Variants in MAP3K5 observed in about 807,000 individuals in gnomAD.
MAP3K5 encodes the protein mitogen-activated protein kinase kinase kinase 5, also known as ASK-1.
Under a neutral mutation model 158.7 loss-of-function variants are expected in MAP3K5, and 56 were observed. The ratio of observed to expected loss-of-function variants is 0.35; its 90% CI spans 0.28 to 0.44. The LOEUF (loss-of-function observed/expected upper bound fraction) is 0.44. Among genes scored for constraint, MAP3K5 ranks in the 20% least tolerant of loss-of-function variants. MAP3K5 has a pLI of 1.00. For synonymous variants in MAP3K5, 579 were observed against 601.7 expected (o/e 0.96, Z 0.55); for missense variants, 1,294 against 1,674.8 (o/e 0.77, Z 3.97).
At chr6:136,650,771 CAA>C (rs1468779186) in intron 11 of MAP3K5, among the ~76,000 whole-genome samples, 1 of 152,068 alleles carries the variant, frequency 6.6e-6, no homozygotes, top group Non-Finnish European at 1.5e-5. Context: ...AATAAAAATC[CAA>C]ATAGTTCAAT....
At chr6:136,560,047 CTTAT>C (rs1830436815) in intron 28 of MAP3K5, among the ~76,000 whole-genome samples, 1 of 151,274 alleles carries the variant, frequency 6.6e-6, no homozygotes, top group East Asian at 2.0e-4. Context: ...TATCTTTATT[CTTAT>C]TTATTTTTAA....
intron 18 of MAP3K5, among the ~76,000 whole-genome samples, chr6:136,610,722 T>C (rs540051133): frequency 2.0e-5 from 3 of 149,762 alleles, no homozygotes; most frequent in Non-Finnish European, 4.4e-5. Flanking sequence ...TCAGTGGCAT[T>C]AAGCAGGAGA....
At chr6:136,780,696 T>C (rs1784579651) in intron 1 of MAP3K5, among the ~76,000 whole-genome samples, 1 of 152,236 alleles carries the variant, frequency 6.6e-6, no homozygotes, top group Non-Finnish European at 1.5e-5. Flanking sequence ...GTAAAACAAG[T>C]ATGTCAAAAT....
chr6:136,680,734 G>C (rs1274550883), intron 7 of MAP3K5, among the ~76,000 whole-genome samples: 2 of 152,184 alleles, frequency 1.3e-5, no homozygotes, highest in Non-Finnish European at 2.9e-5. Context: ...AAAAAGAATA[G>C]CTCAAATTTG....
chr6:136,779,667 T>C (rs1246664352), intron 1 of MAP3K5, among the ~76,000 whole-genome samples: 1 of 152,188 alleles, frequency 6.6e-6, no homozygotes. Context: ...TAGGCTTATT[T>C]GGAACAGTCT....
intron 1 of MAP3K5, among the ~76,000 whole-genome samples, chr6:136,753,152 C>T (rs1240884973): frequency 6.6e-6 from 1 of 152,200 alleles, no homozygotes; most frequent in Non-Finnish European, 1.5e-5. Flanking sequence ...CTAACACACA[C>T]TTTAGGACCC....
intron 12 of MAP3K5, among the ~76,000 whole-genome samples, chr6:136,641,285 C>T (rs541797626): frequency 1.2e-4 from 18 of 152,190 alleles, no homozygotes; most frequent in Non-Finnish European, 2.5e-4. Flanking sequence ...ACTCAGACCG[C>T]TCTACCAATT....
At chr6:136,740,779 CT>C (rs1427765140) in intron 1 of MAP3K5, among the ~76,000 whole-genome samples, 2 of 152,310 alleles carry the variant, frequency 1.3e-5, no homozygotes, top group African/African-American at 4.8e-5. Flanking sequence ...TTAAACTGCT[CT>C]GAATCTTCCC....
Position 136,583,665 on chromosome 6 carries a change from T to C in MAP3K5, c.3301A>G (p.Thr1101Ala). Residue 1101 changes from threonine (T) to alanine (A), a missense_variant, in exon 24 of 30, where the codon ACT (threonine) becomes GCT (alanine). This residue lies in a region of MAP3K5 where 362 missense variants were observed against 463.2 expected (regional missense o/e 0.78). Transcript: ENST00000359015. ...GTGGTGGCTATGATTTTTCGGTCAG[T>C]GGATCTCACAAATTCTCTGAGGCTT... ...IASLREFVRS[T>A]DRKIIATTLS... 2 of 1,614,240 alleles carry C rather than the reference T, an allele frequency of 1.2e-6. No individual in the cohort carries two copies. Among genetic ancestry groups the C allele is most frequent in the Non-Finnish European group, 1.7e-6 (2 of 1,180,036 alleles).
intron 12 of MAP3K5, among the ~76,000 whole-genome samples, chr6:136,640,803 T>A (rs1406753361): frequency 6.6e-6 from 1 of 152,222 alleles, no homozygotes; most frequent in Non-Finnish European, 1.5e-5. Flanking sequence ...GGCAAGCTGC[T>A]GACCTAGTTG....
At chr6:136,600,503 T>C (rs554467983) in intron 21 of MAP3K5, among the ~76,000 whole-genome samples, 1 of 152,200 alleles carries the variant, frequency 6.6e-6, no homozygotes, top group South Asian at 2.1e-4. Context: ...CTCATGTTCA[T>C]TTCTTTATTA....
At position 136,694,296 on chromosome 6, in the gene MAP3K5, C is replaced by T; in HGVS notation, c.1097G>A (p.Gly366Asp). 6.2e-7 allele frequency: 1 copy of T among 1,610,970 alleles called. No individual in the cohort carries two copies. The highest frequency in any genetic ancestry group is 8.5e-7 in the Non-Finnish European group (1 of 1,179,650). Residue 366 changes from glycine to aspartate, a missense_variant, in exon 7 of 30, where the codon GGT becomes GAT. Gly to Asp is a moderately conservative substitution (Grantham distance 94). Coordinates refer to ENST00000359015, the MANE Select transcript of MAP3K5 (RefSeq NM_005923.4). ...AFALNRRNLP[G>D]DRAKALDIMI... is the part of the protein sequence containing the mutation. ...AATATCAAGAGCTTTTGCTCTGTCA[C>T]CAGGGAGATTTCTCCTAAGGCAGAA... is the stretch of plus-strand genomic sequence containing the variant.
At chr6:136,726,988 G>C (rs1781996975) in intron 1 of MAP3K5, among the ~76,000 whole-genome samples, 1 of 151,590 alleles carries the variant, frequency 6.6e-6, no homozygotes, top group Non-Finnish European at 1.5e-5. Flanking sequence ...TTTTTGCCTT[G>C]TTATACTCGC....
intron 12 of MAP3K5, among the ~76,000 whole-genome samples, chr6:136,640,553 G>C (rs540726910): frequency 6.6e-6 from 1 of 152,292 alleles, no homozygotes; most frequent in East Asian, 1.9e-4. Context: ...TAAACAGAAA[G>C]ACTTCCTCTT....
chr6:136,654,060 C>T (rs1778637134), intron 10 of MAP3K5, among the ~76,000 whole-genome samples: 1 of 152,138 alleles, frequency 6.6e-6, no homozygotes, highest in Non-Finnish European at 1.5e-5. Flanking sequence ...ATCAAATATG[C>T]CAAAAATATG....
chr6:136,614,649 T>C (rs74479945), intron 15 of MAP3K5, among the ~76,000 whole-genome samples: 1,879 of 152,330 alleles, frequency 0.012, 39 homozygotes, highest in African/African-American at 0.044. Flanking sequence ...GAACGGAAAT[T>C]GTCCACAGTT....
At chr6:136,785,022 A>C (rs1784783187) in intron 1 of MAP3K5, among the ~76,000 whole-genome samples, 1 of 152,230 alleles carries the variant, frequency 6.6e-6, no homozygotes, top group Non-Finnish European at 1.5e-5. Context: ...CGTGGGAACC[A>C]CTATTTAGGA....
At chr6:136,725,380 T>C (rs1405086284) in intron 1 of MAP3K5, among the ~76,000 whole-genome samples, 2 of 152,206 alleles carry the variant, frequency 1.3e-5, no homozygotes, top group Non-Finnish European at 2.9e-5. Context: ...TTGTCCGTTT[T>C]TCTTCTAAAG....
At chr6:136,580,249 A>T in intron 25 of MAP3K5, 52 bp downstream of exon 25, 1 of 1,176,142 alleles carries the variant, frequency 8.5e-7, no homozygotes, top group Non-Finnish European at 1.3e-6. Flanking sequence ...ATGAACAGTA[A>T]TCTAAAATAT....
Sources: allele counts gnomAD v4.1 joint callset (sites outside exome capture counted in the v4.1 genomes callset), GRCh38; gene constraint gnomAD v4.1.1; regional missense constraint gnomAD v4.1.1; transcripts MANE v1.5; gene names NCBI Gene and HGNC (gene_info 2026-07-23, HGNC 2026-07-21).